Variants in TFB1M observed in about 807,000 individuals in gnomAD.
TFB1M encodes dimethyladenosine transferase 1, mitochondrial.
TFB1M carries 27 observed loss-of-function variants against 31.1 expected under a neutral mutation model. The observed-to-expected ratio is 0.87, with a 90% confidence interval of 0.64 to 1.20. The LOEUF (loss-of-function observed/expected upper bound fraction) is 1.20. Among genes scored for constraint, TFB1M ranks in the 50% most tolerant of loss-of-function variants. The probability of loss-of-function intolerance (pLI) is 0.00; values close to 1 mark genes in which losing one functional copy is unlikely to be tolerated. For missense variants in TFB1M, 394 were observed against 418.7 expected (o/e 0.94, Z 0.51); for synonymous variants, 166 against 151.8 (o/e 1.09, Z -0.69).
chr6:155,281,693 G>A (rs1239145708), intron 5 of TFB1M, among the ~76,000 whole-genome samples: 2 of 129,212 alleles, frequency 1.5e-5, no homozygotes, highest in African/African-American at 6.0e-5. Context: ...CTGCACTCCA[G>A]CCTGGGCGGC....
In TFB1M at chr6:155,285,202, G is replaced by A; in HGVS notation, c.622C>T (p.His208Tyr). 6.2e-7 allele frequency: 1 copy of A among 1,614,040 alleles called. No individual in the cohort carries two copies. The highest frequency in any genetic ancestry group is 8.5e-7 in the Non-Finnish European group (1 of 1,179,912). ...VMAQYLCNVR[H>Y]IFTIPGQAFV... is the part of the protein sequence containing the mutation. ...GCTTGTCCTGGAATCGTAAAGATGT[G>A]TCGAACATTGCAGAGGTACTGAGCC... Residue 208 changes from histidine to tyrosine, a missense_variant, in exon 5 of 7, where the codon CAC becomes TAC. His to Tyr is a moderately conservative substitution (Grantham distance 83). Coordinates refer to ENST00000367166, the MANE Select transcript of TFB1M (RefSeq NM_016020.4).
chr6:155,254,896 C>T, downstream of TFB1M: 1 of 222,648 alleles, frequency 4.5e-6, no homozygotes, highest in Non-Finnish European at 9.1e-6. Flanking sequence ...CAGTGCCAGG[C>T]ATCCTGAAGG....
At chr6:155,300,469 T>G (rs1405469808) in intron 2 of TFB1M, among the ~76,000 whole-genome samples, 1 of 152,158 alleles carries the variant, frequency 6.6e-6, no homozygotes, top group Non-Finnish European at 1.5e-5. Flanking sequence ...ATGCTCTTAA[T>G]GTATAAAACC....
At chr6:155,273,549 G>C (rs1280689424) in intron 5 of TFB1M, among the ~76,000 whole-genome samples, 3 of 152,188 alleles carry the variant, frequency 2.0e-5, no homozygotes. Context: ...ATCCTCTACA[G>C]TCCTTTTTTT....
chr6:155,268,714 G>C (rs1222656306), intron 5 of TFB1M, among the ~76,000 whole-genome samples: 1 of 151,810 alleles, frequency 6.6e-6, no homozygotes, highest in Non-Finnish European at 1.5e-5. Context: ...TAAGGGCGGT[G>C]CAAGATGTGC....
At chr6:155,310,631 G>A (rs1264776215) in intron 2 of TFB1M, among the ~76,000 whole-genome samples, 2 of 152,124 alleles carry the variant, frequency 1.3e-5, no homozygotes, top group Admixed American at 1.3e-4. Context: ...AAAGATGCAT[G>A]TATCATTTCA....
chr6:155,292,011 A>G (rs1417262190), intron 4 of TFB1M, among the ~76,000 whole-genome samples: 1 of 152,202 alleles, frequency 6.6e-6, no homozygotes, highest in East Asian at 1.9e-4. Context: ...GTCATAGGAA[A>G]CAAGAGTTTG....
In TFB1M at chr6:155,256,455, C is replaced by A; in HGVS notation, c.*1381G>T. 1 of 1,613,722 alleles carries A rather than the reference C, an allele frequency of 6.2e-7. No individual in the cohort carries two copies. The highest frequency in any genetic ancestry group is 1.1e-5 in the South Asian group (1 of 90,830). ...CACATTGTGTAACCTGTTTCTGTAT[C>A]ACAGCGAAATGTGTTTTTCTCACTG... On this transcript the variant is annotated 3_prime_UTR_variant, in exon 7 of 7. Coordinates refer to ENST00000367166, the MANE Select transcript of TFB1M (RefSeq NM_016020.4).
chr6:155,243,883 T>G, the TFB1M span: 1 of 331,506 alleles, frequency 3.0e-6, no homozygotes, highest in Non-Finnish European at 5.6e-6. Context: ...AAAAAGAATT[T>G]CAACAAGGCA....
the TFB1M span, among the ~76,000 whole-genome samples, chr6:155,238,628 A>C: frequency 6.6e-6 from 1 of 152,190 alleles, no homozygotes; most frequent in Non-Finnish European, 1.5e-5. Context: ...TCTCCCTTGG[A>C]GCAGGCTCCC....
the TFB1M span, among the ~76,000 whole-genome samples, chr6:155,247,207 T>C: frequency 6.6e-6 from 1 of 152,206 alleles, no homozygotes; most frequent in Non-Finnish European, 1.5e-5. Flanking sequence ...AACCCTTAAG[T>C]GTACAGAATA....
chr6:155,297,245 ACTT>A, intron 3 of TFB1M, 141 bp from the exon 4 acceptor site: 1 of 866,358 alleles, frequency 1.2e-6, no homozygotes, highest in Non-Finnish European at 1.7e-6. Context: ...TTTTTTTTTC[ACTT>A]ATTATTCAAA....
rs749576229 is a variant in TFB1M, at chr6:155,298,542, C to T, written c.329G>A (p.Gly110Glu). The T allele has an allele frequency of 6.2e-7, 1 of 1,613,522 alleles. No individual in the cohort carries two copies. The highest frequency in any genetic ancestry group is 8.5e-7 in the Non-Finnish European group (1 of 1,179,672). ...AAPGKLRIVHGDVLTFKVEKA... is the reference protein window; with the variant it reads ...AAPGKLRIVHEDVLTFKVEKA... ...TTCTACCTTAAATGTCAAGACATCT[C>T]CATGAACAATTCTCAGTTTCCCAGG... is the stretch of plus-strand genomic sequence containing the variant. The change falls in exon 3 of 7, where the codon GGA becomes GAA. Residue 110 changes from glycine (G) to glutamate (E), a missense_variant. Around this residue, in one of 3 missense-constraint regions of TFB1M, gnomAD observed 273 missense variants for 256.4 expected, o/e 1.06. Coordinates refer to ENST00000367166, the MANE Select transcript of TFB1M (RefSeq NM_016020.4).
the TFB1M span, among the ~76,000 whole-genome samples, chr6:155,238,494 C>G: frequency 7.2e-5 from 11 of 152,228 alleles, no homozygotes; most frequent in Non-Finnish European, 1.6e-4. Context: ...ACTGAAGGAG[C>G]TCAGCCATCT....
rs1778000603 is a variant in TFB1M at position 155,311,189 on chromosome 6, T to G, written c.284A>C (p.Gln95Pro). ...EKDTRFIPGLQMLSDAAPGKL... is the reference protein window; with the variant it reads ...EKDTRFIPGLPMLSDAAPGKL... ...AAGCAGACACTTTAAGCATCTCACC[T>G]GTAATCCAGGAATAAATCGAGTGTC... Residue 95 changes from glutamine (Q) to proline (P), a missense_variant and splice_region_variant, in exon 2 of 7, where the codon CAG becomes CCG. Physicochemically the swap from Gln to Pro is moderately conservative, Grantham distance 76. This residue lies in a region of TFB1M where 273 missense variants were observed against 256.4 expected (regional missense o/e 1.06). Coordinates refer to ENST00000367166, the MANE Select transcript of TFB1M (RefSeq NM_016020.4). 6.2e-7 allele frequency: 1 copy of G among 1,613,948 alleles called. No homozygotes were observed. Among genetic ancestry groups the G allele is most frequent in the Non-Finnish European group, 8.5e-7 (1 of 1,179,932 alleles).
At chr6:155,290,388 C>CAAAA (rs1189869721) in intron 4 of TFB1M, among the ~76,000 whole-genome samples, 9,013 of 106,326 alleles carry the variant, frequency 0.085, 616 homozygotes, top group Non-Finnish European at 0.13. Context: ...GACTCGGCCT[C>CAAAA]AAAAAAAAAA....
intron 4 of TFB1M, among the ~76,000 whole-genome samples, chr6:155,294,728 T>C (rs1777086798): frequency 6.6e-6 from 1 of 152,338 alleles, no homozygotes; most frequent in East Asian, 1.9e-4. Flanking sequence ...ACAGGCGTGA[T>C]GATTTCAGAG....
At chr6:155,291,878 A>G (rs41334651) in intron 4 of TFB1M, among the ~76,000 whole-genome samples, 2 of 152,208 alleles carry the variant, frequency 1.3e-5, no homozygotes, top group Non-Finnish European at 2.9e-5. Flanking sequence ...CTTATGATAC[A>G]CTCAAATTAT....
At chr6:155,293,007 T>G (rs1777004077) in intron 4 of TFB1M, among the ~76,000 whole-genome samples, 1 of 152,080 alleles carries the variant, frequency 6.6e-6, no homozygotes, top group Non-Finnish European at 1.5e-5. Context: ...TTTTTATTTA[T>G]TTTTTGTAGA....
Sources: gnomAD v4.1 joint callset for allele counts (sites outside exome capture counted in the v4.1 genomes callset) on GRCh38, gnomAD v4.1.1 for gene constraint, gnomAD v4.1.1 regional missense constraint, MANE v1.5 for transcripts, NCBI Gene and HGNC (gene_info 2026-07-23, HGNC 2026-07-21) for gene names.